The following ZNF638 variants were observed in gnomAD, a reference collection of about 807,000 sequenced individuals.
ZNF638 encodes the protein zinc finger protein 638.
A neutral mutation model predicts 195.6 loss-of-function variants in ZNF638; 46 were observed. The ratio of observed to expected loss-of-function variants is 0.24; its 90% CI spans 0.19 to 0.30. The LOEUF (loss-of-function observed/expected upper bound fraction) is 0.30. Among genes scored for constraint, ZNF638 ranks in the 10% least tolerant of loss-of-function variants. ZNF638 has a pLI of 1.00. For synonymous variants in ZNF638, 845 were observed against 772.0 expected (o/e 1.09, Z -1.57); for missense variants, 2,440 against 2,325.3 (o/e 1.05, Z -1.01).
Position 71,360,119 on chromosome 2 carries a change from G to A in ZNF638, c.1380-3034G>A, listed in dbSNP as rs564393962. ...TAAATGGAACTAGTTTAGCTCATGG[G>A]CCTTTATCATCCCTTCTACTTTTTT... On this transcript the variant is annotated intron_variant, in intron 3 of 27. Coordinates refer to ENST00000264447, the MANE Select transcript of ZNF638 (RefSeq NM_014497.5). 2.6e-5 allele frequency among the ~76,000 whole-genome samples: 4 copies of A among 152,184 alleles called. No individual in the cohort carries two copies. The South Asian group carries it at 6.2e-4, about 24-fold the overall frequency.
intron 8 of ZNF638, among the ~76,000 whole-genome samples, chr2:71,370,411 A>G (rs548781220): frequency 2.1e-4 from 32 of 152,320 alleles, no homozygotes; most frequent in African/African-American, 6.7e-4. Context: ...TCAACTTTAC[A>G]TAAACAAAAT....
chr2:71,417,532 G>A (rs2080325567), intron 20 of ZNF638, among the ~76,000 whole-genome samples: 1 of 135,772 alleles, frequency 7.4e-6, no homozygotes, highest in Non-Finnish European at 1.7e-5. Flanking sequence ...TCAGTTGTCT[G>A]AAATATCTTT....
At chr2:71,407,974 T>C in intron 19 of ZNF638, 148 bp from the exon 20 acceptor site, 1 of 637,014 alleles carries the variant, frequency 1.6e-6, no homozygotes, top group Non-Finnish European at 2.5e-6. Flanking sequence ...ATAATGCTTC[T>C]GTGAACATGG....
Position 71,359,936 on chromosome 2 carries a change from C to T in ZNF638, c.1380-3217C>T, listed in dbSNP as rs574175087. 2.6e-5 allele frequency among the ~76,000 whole-genome samples: 4 copies of T among 152,190 alleles called. No individual in the cohort carries two copies. The South Asian group carries it at 6.2e-4, about 24-fold the overall frequency. On this transcript the variant is annotated intron_variant, in intron 3 of 27. Transcript: ENST00000264447. ...TTAATATTAAAAATAGGTAATTATG[C>T]TGTGTTTATTGTGTGCTGGGCATTC... is the stretch of plus-strand genomic sequence containing the variant.
At chr2:71,367,624 A>T (rs1286400233) in intron 6 of ZNF638, among the ~76,000 whole-genome samples, 3 of 151,792 alleles carry the variant, frequency 2.0e-5, no homozygotes, top group Non-Finnish European at 4.4e-5. Context: ...TATTTTTAGC[A>T]GAGACGGGGT....
intron 3 of ZNF638, among the ~76,000 whole-genome samples, chr2:71,358,056 C>T (rs1403324521): frequency 6.6e-6 from 1 of 152,174 alleles, no homozygotes; most frequent in African/African-American, 2.4e-5. Context: ...CTGTTCCATG[C>T]TTCTCTCCTA....
At chr2:71,363,342 G>T in intron 4 of ZNF638, 151 bp downstream of exon 4, 2 of 596,598 alleles carry the variant, frequency 3.4e-6, no homozygotes, top group East Asian at 5.7e-5. Context: ...ACTTATTCCA[G>T]CTTAAAGGTG....
At chr2:71,420,828 G>A (rs528186712) in intron 21 of ZNF638, among the ~76,000 whole-genome samples, 1 of 152,240 alleles carries the variant, frequency 6.6e-6, no homozygotes, top group African/African-American at 2.4e-5. Flanking sequence ...TAGCCAGAAA[G>A]CAGATACTAG....
chr2:71,409,044 T>TA (rs2080160750), intron 20 of ZNF638, among the ~76,000 whole-genome samples: 1 of 152,158 alleles, frequency 6.6e-6, no homozygotes, highest in African/African-American at 2.4e-5. Context: ...TTCAAGCTGT[T>TA]ATTCAGTTGT....
chr2:71,387,206 TTAGAG>T (rs935991777), intron 10 of ZNF638, among the ~76,000 whole-genome samples: 2 of 152,058 alleles, frequency 1.3e-5, no homozygotes, highest in African/African-American at 4.8e-5. Context: ...GTTCGAAGAT[TTAGAG>T]TAGTTTCATA....
At chr2:71,391,627 C>G (rs191428781) in intron 10 of ZNF638, among the ~76,000 whole-genome samples, 5 of 152,318 alleles carry the variant, frequency 3.3e-5, no homozygotes, top group East Asian at 1.9e-4. Flanking sequence ...TAGGTACATA[C>G]TAACTTCCTG....
At chr2:71,373,802 C>T (rs997233950) in intron 8 of ZNF638, 4 of 152,006 alleles carry the variant, frequency 2.6e-5, no homozygotes, top group Non-Finnish European at 5.9e-5. Flanking sequence ...GCCTGTGACA[C>T]AGCCTCAGGA....
At chr2:71,381,729 T>C (rs995579876) in intron 10 of ZNF638, among the ~76,000 whole-genome samples, 7 of 152,148 alleles carry the variant, frequency 4.6e-5, no homozygotes, top group Non-Finnish European at 7.4e-5. Context: ...AAAAAATAAT[T>C]CACAGAACAC....
intron 10 of ZNF638, among the ~76,000 whole-genome samples, chr2:71,387,817 A>G (rs10208242): frequency 0.22 from 33,069 of 152,148 alleles, 4,512 homozygotes; most frequent in African/African-American, 0.38. Context: ...ACATTTGACT[A>G]CATAAAATGT....
chr2:71,350,997 T>A (rs775759388), intron 2 of ZNF638, among the ~76,000 whole-genome samples: 1 of 152,234 alleles, frequency 6.6e-6, no homozygotes, highest in Non-Finnish European at 1.5e-5. Context: ...TAGAACATAC[T>A]GTTCAGTCGT....
chr2:71,337,977 T>A (rs2078699780), intron 1 of ZNF638, among the ~76,000 whole-genome samples: 1 of 152,260 alleles, frequency 6.6e-6, no homozygotes, highest in Non-Finnish European at 1.5e-5. Flanking sequence ...TGATGTTTCC[T>A]CTTGATTAGA....
chr2:71,423,688 C>A lies in ZNF638; in HGVS notation c.4174C>A (p.Pro1392Thr), dbSNP rs1218939494. Residue 1392 changes from proline to threonine, a missense_variant, in exon 22 of 28, where the codon CCA becomes ACA. Pro to Thr is a conservative substitution (Grantham distance 38). Transcript: ENST00000264447. Reference sequence around the variant, plus strand: ...TGTATCAGATGTATCTAGCAGTAAACCAAGCATCAAGGCTGTTATAGTCTC... The same window carrying A: ...TGTATCAGATGTATCTAGCAGTAAAACAAGCATCAAGGCTGTTATAGTCTC... ...LAVSDVSSSK[P>T]SIKAVIVSSP... is the part of the protein sequence containing the mutation. 1 of 1,613,700 alleles carries A rather than the reference C, an allele frequency of 6.2e-7. No homozygotes were observed. Among genetic ancestry groups the A allele is most frequent in the African/African-American group, 1.3e-5 (1 of 74,904 alleles).
intron 20 of ZNF638, among the ~76,000 whole-genome samples, chr2:71,410,131 T>A (rs2080182814): frequency 1.3e-5 from 2 of 152,230 alleles, no homozygotes; most frequent in Non-Finnish European, 2.9e-5. Context: ...ATTTTGTTCC[T>A]CTGAAAGGTT....
chr2:71,344,879 G>A (rs2078824925), intron 1 of ZNF638, among the ~76,000 whole-genome samples: 1 of 152,182 alleles, frequency 6.6e-6, no homozygotes, highest in South Asian at 2.1e-4. Flanking sequence ...TTTATTTGGA[G>A]TGGATATGAA....
Sources: gnomAD v4.1 joint callset for allele counts (sites outside exome capture counted in the v4.1 genomes callset) on GRCh38, gnomAD v4.1.1 for gene constraint, MANE v1.5 for transcripts, NCBI Gene and HGNC (gene_info 2026-07-23, HGNC 2026-07-21) for gene names.